EPB41L2: variants seen among roughly 807,000 people sequenced by gnomAD.
EPB41L2 encodes the protein erythrocyte membrane protein band 4.1 like 2.
A neutral mutation model predicts 113.0 loss-of-function variants in EPB41L2; 43 were observed. That is an observed-to-expected ratio of 0.38 (90% CI 0.30 to 0.49). The LOEUF (loss-of-function observed/expected upper bound fraction) is 0.49, where lower values mean the gene tolerates loss of function less well. EPB41L2 is among the 20% of genes least tolerant of loss of function. The pLI, the probability that EPB41L2 is intolerant of heterozygous loss-of-function variation, is 0.95. For synonymous variants in EPB41L2, 442 were observed against 436.7 expected, an observed-to-expected ratio of 1.01 and a Z score of -0.15; for missense variants, 1,147 against 1,223.4, an observed-to-expected ratio of 0.94 and a Z score of 0.93.
chr6:130,893,636 AGAGT>A (rs1238884135), intron 10 of EPB41L2, among the ~76,000 whole-genome samples: 3 of 152,236 alleles, frequency 2.0e-5, no homozygotes, highest in African/African-American at 7.2e-5. Context: ...TTTGTTATAT[AGAGT>A]AACTGCATGT....
At chr6:130,859,290 C>T (rs556785876) in intron 18 of EPB41L2, among the ~76,000 whole-genome samples, 7 of 152,222 alleles carry the variant, frequency 4.6e-5, no homozygotes, top group South Asian at 4.1e-4. Flanking sequence ...GGGACGCCAA[C>T]GCGGGCGATC....
intron 11 of EPB41L2, among the ~76,000 whole-genome samples, chr6:130,888,033 G>T (rs1791606422): frequency 6.6e-6 from 1 of 152,002 alleles, no homozygotes; most frequent in Non-Finnish European, 1.5e-5. Context: ...ATTTTAATTT[G>T]CCAAACTTTA....
chr6:130,940,517 C>T (rs1810453639), intron 3 of EPB41L2, among the ~76,000 whole-genome samples: 1 of 150,372 alleles, frequency 6.7e-6, no homozygotes, highest in Non-Finnish European at 1.5e-5. Flanking sequence ...CCAGGCTGCA[C>T]TGCAGTGGCA....
chr6:130,990,472 G>A (rs1781564837), intron 1 of EPB41L2, among the ~76,000 whole-genome samples: 1 of 152,160 alleles, frequency 6.6e-6, no homozygotes, highest in Non-Finnish European at 1.5e-5. Flanking sequence ...ATAATTAAAT[G>A]TAAATGGTCT....
At position 130,869,801 on chromosome 6, in the gene EPB41L2, CTCTCTACTACCTTGGCTGCCGGGCGGGGT is replaced by C. The variant is rs1368431639; in HGVS notation, c.2340_2368del (p.Pro781GlyfsTer45). The C allele has an allele frequency of 6.2e-7, 1 of 1,613,908 alleles. No individual in the cohort carries two copies. Among genetic ancestry groups the C allele is most frequent in the African/African-American group, 1.3e-5 (1 of 74,850 alleles). On this transcript the variant is annotated frameshift_variant, in exon 15 of 20. Coordinates refer to ENST00000337057, the MANE Select transcript of EPB41L2 (RefSeq NM_001431.4). LOFTEE classifies it high-confidence loss of function. The stretch of plus-strand genomic sequence containing the variant: ...GCTGGCTTCGGGCACTGCTTCCTCC[CTCTCTACTACCTTGGCTGCCGGGCGGGGT>C]TCTTCCTCCACCTCTTCTTCATACT...
At chr6:130,975,644 A>G (rs1778020012) in intron 1 of EPB41L2, among the ~76,000 whole-genome samples, 1 of 152,204 alleles carries the variant, frequency 6.6e-6, no homozygotes, top group South Asian at 2.1e-4. Flanking sequence ...AGTGATTATC[A>G]TCTATCCTAC....
chr6:130,974,270 T>C (rs147647735), intron 1 of EPB41L2, among the ~76,000 whole-genome samples: 26 of 152,240 alleles, frequency 1.7e-4, no homozygotes, highest in Middle Eastern at 3.4e-3. Context: ...TAGAAGGCAG[T>C]TGTCAGTAAG....
chr6:130,959,924 G>A (rs768009401), intron 1 of EPB41L2, among the ~76,000 whole-genome samples: 1 of 152,074 alleles, frequency 6.6e-6, no homozygotes, highest in Non-Finnish European at 1.5e-5. Flanking sequence ...GCTGATTTTT[G>A]GCCAAAATAT....
At chr6:130,904,975 A>G (rs1797311710) in intron 5 of EPB41L2, among the ~76,000 whole-genome samples, 1 of 150,656 alleles carries the variant, frequency 6.6e-6, no homozygotes, top group South Asian at 2.1e-4. Flanking sequence ...GAGAGTAATG[A>G]TCAAGAGATA....
At position 130,955,130 on chromosome 6, in the gene EPB41L2, C is replaced by A; in HGVS notation, c.680G>T (p.Gly227Val). ...CTCCAGGTCACAGCTGTATTCGGTGCCATCTAAGAGGGTCACTTTACACTG... is the reference window on the plus strand; with the variant it reads ...CTCCAGGTCACAGCTGTATTCGGTGACATCTAAGAGGGTCACTTTACACTG... The part of the protein sequence containing the change: ...TVQCKVTLLD[G>V]TEYSCDLEKH... The change falls in exon 3 of 20, where the codon GGC becomes GTC. Residue 227 changes from glycine to valine, a missense_variant. By Grantham distance (109) the Gly-to-Val change is moderately radical (BLOSUM62 -3). Coordinates refer to ENST00000337057, the MANE Select transcript of EPB41L2 (RefSeq NM_001431.4). 1.2e-6 allele frequency: 2 copies of A among 1,614,150 alleles called. No individual in the cohort carries two copies. The highest frequency in any genetic ancestry group is 1.6e-4 in the Middle Eastern group (1 of 6,062).
intron 1 of EPB41L2, among the ~76,000 whole-genome samples, chr6:130,967,319 A>G (rs1345080465): frequency 1.3e-5 from 2 of 152,162 alleles, no homozygotes; most frequent in African/African-American, 4.8e-5. Flanking sequence ...ACTCACATAT[A>G]AGTGGACCTA....
chr6:130,867,972 A>T (rs9492743), intron 15 of EPB41L2: 1,841 of 75,368 alleles, frequency 0.024, 28 homozygotes, highest in African/African-American at 0.069. Flanking sequence ...ACACACACAC[A>T]CTCTCTCTCT....
Position 131,035,176 on chromosome 6 carries a change from G to C in EPB41L2, c.-15+27979C>G, listed in dbSNP as rs545621470. On this transcript the variant is annotated intron_variant, in intron 1 of 19. Coordinates refer to ENST00000337057, the MANE Select transcript of EPB41L2 (RefSeq NM_001431.4). Reference sequence around the variant, plus strand: ...AAAGGTATTTGTTAATACTCTTGTTGTGAGACAGTTTCAGGACTACTTAAG... The same window carrying C: ...AAAGGTATTTGTTAATACTCTTGTTCTGAGACAGTTTCAGGACTACTTAAG... Among the ~76,000 whole-genome samples, 6 of 152,316 alleles carry C rather than the reference G, an allele frequency of 3.9e-5. No individual in the cohort carries two copies. In the East Asian group the frequency reaches 9.6e-4, roughly 24 times the overall value.
intron 4 of EPB41L2, among the ~76,000 whole-genome samples, chr6:130,918,921 G>A (rs545608231): frequency 6.6e-6 from 1 of 152,026 alleles, no homozygotes; most frequent in South Asian, 2.1e-4. Context: ...ATTTATGTGG[G>A]GGAAAAAATA....
In EPB41L2 at chr6:130,902,399, G is replaced by A. The variant is rs79989737; in HGVS notation, c.930-1219C>T. ...ACCCAAATACATCATCAGGCAGGGC[G>A]GGGACTCTGTTTATCATCACTATAG... On this transcript the variant is annotated intron_variant, in intron 6 of 19. Coordinates refer to ENST00000337057, the MANE Select transcript of EPB41L2 (RefSeq NM_001431.4). Among the ~76,000 whole-genome samples the A allele has an allele frequency of 0.02, 3,030 of 152,212 alleles. 196 individuals are homozygous for A. In the East Asian group the frequency reaches 0.26, roughly 13 times the overall value.
rs1197786060 is a variant in EPB41L2, at chr6:130,901,128, A to G, written c.982T>C (p.Cys328Arg). 7 of 1,614,018 alleles carry G rather than the reference A, an allele frequency of 4.3e-6. No individual in the cohort carries two copies. Among genetic ancestry groups the G allele is most frequent in the Non-Finnish European group, 5.9e-6 (7 of 1,180,008 alleles). ...AGGAGAGCATGAGTCACAAAAGAGC[A>G]GGGCAGGCGGCCAGAGGCAATGTCC... ...RQDIASGRLP[C>R]SFVTHALLGS... The change falls in exon 7 of 20, where the codon TGC becomes CGC. Residue 328 changes from cysteine to arginine, a missense_variant. Transcript: ENST00000337057.
chr6:130,921,835 G>A (rs1010695844), intron 4 of EPB41L2, among the ~76,000 whole-genome samples: 3 of 152,136 alleles, frequency 2.0e-5, no homozygotes, highest in African/African-American at 7.2e-5. Context: ...CTCTATCACT[G>A]AATTAGATTA....
chr6:130,881,554 T>C (rs1483782959), intron 12 of EPB41L2: 3 of 152,184 alleles, frequency 2.0e-5, no homozygotes, highest in East Asian at 3.8e-4. Flanking sequence ...TTACTGTATG[T>C]ATTGGTAGGA....
intron 8 of EPB41L2, among the ~76,000 whole-genome samples, chr6:130,898,968 C>T (rs1227036114): frequency 6.6e-6 from 1 of 152,098 alleles, no homozygotes; most frequent in African/African-American, 2.4e-5. Flanking sequence ...TGCTTTATCA[C>T]CCAGAGCCTG....
Sources: allele counts gnomAD v4.1 joint callset (sites outside exome capture counted in the v4.1 genomes callset), GRCh38; gene constraint gnomAD v4.1.1; transcripts MANE v1.5; gene names NCBI Gene and HGNC (gene_info 2026-07-23, HGNC 2026-07-21).